UBE3C: variants seen among roughly 807,000 people sequenced by gnomAD.
UBE3C encodes the protein ubiquitin protein ligase E3C.
UBE3C carries 42 observed loss-of-function variants against 129.4 expected under a neutral mutation model. The observed-to-expected ratio is 0.32, with a 90% CI of 0.25 to 0.42. UBE3C has a LOEUF of 0.42. Among genes scored for constraint, UBE3C ranks in the 10% least tolerant of loss-of-function variants. The pLI, the probability that UBE3C is intolerant of heterozygous loss-of-function variation, is 1.00. For synonymous variants in UBE3C, 510 were observed against 492.4 expected, an observed-to-expected ratio of 1.04 and a Z score of -0.47; for missense variants, 1,049 against 1,319.1, an observed-to-expected ratio of 0.80 and a Z score of 3.17.
intron 1 of UBE3C, 56 bp downstream of exon 1, chr7:157,139,394 G>C: frequency 9.7e-7 from 1 of 1,033,028 alleles, no homozygotes; most frequent in Non-Finnish European, 1.4e-6. Context: ...GCCGGGGCTC[G>C]GGGCTGGGAC....
intron 1 of UBE3C, among the ~76,000 whole-genome samples, chr7:157,159,006 T>C (rs558475293): frequency 6.6e-6 from 1 of 152,338 alleles, no homozygotes; most frequent in African/African-American, 2.4e-5. Context: ...TTAAGTCCGT[T>C]ATCAATAGAG....
chr7:157,263,989 CAG>C (rs1796994895), intron 22 of UBE3C, among the ~76,000 whole-genome samples: 1 of 151,958 alleles, frequency 6.6e-6, no homozygotes, highest in African/African-American at 2.4e-5. Context: ...CCCAGGCTGT[CAG>C]AAACTCCTGG....
At chr7:157,229,905 G>T (rs937110149) in intron 17 of UBE3C, among the ~76,000 whole-genome samples, 5 of 149,700 alleles carry the variant, frequency 3.3e-5, no homozygotes, top group African/African-American at 1.2e-4. Context: ...GAGCCTCTGT[G>T]CAATGTTTTA....
At chr7:157,179,933 T>G (rs1458297008) in intron 6 of UBE3C, among the ~76,000 whole-genome samples, 1 of 152,246 alleles carries the variant, frequency 6.6e-6, no homozygotes, top group African/African-American at 2.4e-5. Flanking sequence ...TGGAATTTGA[T>G]CTTTTTAAAA....
Position 157,216,916 on chromosome 7 carries a change from A to AT in UBE3C, c.1864dup (p.Cys622LeufsTer14). On this transcript the variant is annotated frameshift_variant, in exon 14 of 23. Transcript: ENST00000348165. LOFTEE classifies it high-confidence loss of function. ...TTGAAGTCCAGAGACACGAGGAGAA[A>AT]TTTTTGTCCTCCAAACCACTGGCTG... is the stretch of plus-strand genomic sequence containing the variant. 1 of 1,614,122 alleles carries AT rather than the reference A, an allele frequency of 6.2e-7. No homozygotes were observed. The highest frequency in any genetic ancestry group is 8.5e-7 in the Non-Finnish European group (1 of 1,180,004).
At chr7:157,207,079 A>C in intron 11 of UBE3C, among the ~76,000 whole-genome samples, 1 of 152,220 alleles carries the variant, frequency 6.6e-6, no homozygotes, top group Non-Finnish European at 1.5e-5. Flanking sequence ...TGTCTTGAAT[A>C]GTGGCCTTAT....
intron 10 of UBE3C, chr7:157,192,404 A>G (rs1379710125): frequency 1.4e-6 from 1 of 710,092 alleles, no homozygotes; most frequent in Non-Finnish European, 2.6e-6. Context: ...GGGGAAGACC[A>G]TCACCCTCAA....
chr7:157,163,066 A>G (rs1232183109), intron 1 of UBE3C, among the ~76,000 whole-genome samples: 1 of 151,998 alleles, frequency 6.6e-6, no homozygotes, highest in Non-Finnish European at 1.5e-5. Flanking sequence ...AGATAATTGT[A>G]GATTCATATG....
chr7:157,168,028 G>C (rs550914024), intron 2 of UBE3C, among the ~76,000 whole-genome samples: 1 of 152,240 alleles, frequency 6.6e-6, no homozygotes, highest in Non-Finnish European at 1.5e-5. Context: ...GGTGTTGTCT[G>C]CTTGTATTCC....
At chr7:157,160,279 A>G (rs1270321975) in intron 1 of UBE3C, among the ~76,000 whole-genome samples, 1 of 152,036 alleles carries the variant, frequency 6.6e-6, no homozygotes, top group African/African-American at 2.4e-5. Context: ...TCCACCATGT[A>G]GGTCAGGCTG....
chr7:157,171,045 C>A (rs1808353991), intron 4 of UBE3C, among the ~76,000 whole-genome samples: 1 of 151,918 alleles, frequency 6.6e-6, no homozygotes, highest in African/African-American at 2.4e-5. Flanking sequence ...CTTCTAGCCT[C>A]AAGTGATTTT....
At chr7:157,263,178 A>T (rs2116714520) in intron 22 of UBE3C, 1 of 152,514 alleles carries the variant, frequency 6.6e-6, no homozygotes, top group African/African-American at 2.4e-5. Flanking sequence ...TTTCCCGGAA[A>T]ATCAGCTTAG....
chr7:157,186,658 A>G (rs961474633), intron 9 of UBE3C, among the ~76,000 whole-genome samples, 176 bp from the exon 10 acceptor site: 1 of 152,210 alleles, frequency 6.6e-6, no homozygotes, highest in African/African-American at 2.4e-5. Context: ...ATGGATGCCT[A>G]CTGTTGACTG....
intron 18 of UBE3C, among the ~76,000 whole-genome samples, chr7:157,236,201 T>TA (rs1256605512): frequency 6.6e-6 from 1 of 152,168 alleles, no homozygotes; most frequent in African/African-American, 2.4e-5. Context: ...AGACAGGGAA[T>TA]AAATAAACAG....
chr7:157,148,811 A>G (rs945363913), intron 1 of UBE3C, among the ~76,000 whole-genome samples: 1 of 138,126 alleles, frequency 7.2e-6, no homozygotes, highest in Admixed American at 7.5e-5. Flanking sequence ...ATTCACAGGC[A>G]TGATCATAGT....
chr7:157,257,466 G>A (rs538095791), intron 22 of UBE3C, among the ~76,000 whole-genome samples: 8 of 152,252 alleles, frequency 5.3e-5, no homozygotes, highest in African/African-American at 1.4e-4. Context: ...TTGATCTTAC[G>A]TAATTTGGCT....
At chr7:157,153,322 C>G (rs1477030893) in intron 1 of UBE3C, among the ~76,000 whole-genome samples, 1 of 152,126 alleles carries the variant, frequency 6.6e-6, no homozygotes, top group Non-Finnish European at 1.5e-5. Context: ...AACCCCTTTA[C>G]TGCAAAAGAC....
intron 21 of UBE3C, among the ~76,000 whole-genome samples, chr7:157,255,289 A>C (rs1216842369): frequency 1.3e-5 from 2 of 152,228 alleles, no homozygotes; most frequent in Non-Finnish European, 2.9e-5. Flanking sequence ...ATAACCCCAC[A>C]TACCCACTAG....
chr7:157,165,614 G>C (rs1164598144), intron 2 of UBE3C, among the ~76,000 whole-genome samples: 1 of 152,090 alleles, frequency 6.6e-6, no homozygotes, highest in Non-Finnish European at 1.5e-5. Flanking sequence ...GGGCAGGCTA[G>C]TCTTGAACTC....
Sources: allele counts gnomAD v4.1 joint callset (sites outside exome capture counted in the v4.1 genomes callset), GRCh38; gene constraint gnomAD v4.1.1; transcripts MANE v1.5; gene names NCBI Gene and HGNC (gene_info 2026-07-23, HGNC 2026-07-21).